Variants in JAKMIP1 observed in about 807,000 individuals in gnomAD.
The protein encoded by JAKMIP1 is janus kinase and microtubule-interacting protein 1.
A neutral mutation model predicts 113.0 loss-of-function variants in JAKMIP1; 33 were observed. The observed-to-expected ratio is 0.29, with a 90% CI of 0.22 to 0.39. The LOEUF (loss-of-function observed/expected upper bound fraction) is 0.39. JAKMIP1 is among the 10% of genes least tolerant of loss of function. The pLI is 1.00. For missense variants in JAKMIP1, 813 were observed against 1,080.5 expected (o/e 0.75, Z 3.47); for synonymous variants, 480 against 459.9 (o/e 1.04, Z -0.56).
rs1370206114 is a variant in JAKMIP1 at position 6,092,596 on chromosome 4, G to A, written c.625-6967C>T. Among the ~76,000 whole-genome samples the A allele has an allele frequency of 3.3e-5, 5 of 152,314 alleles. No homozygotes were observed. The East Asian group carries it at 5.8e-4, about 18-fold the overall frequency. ...GAATATAAGCAAAATACCCTTCGTC[G>A]TTATTCTGTCACTGAAGCTCTCAGT... On this transcript the variant is annotated intron_variant, in intron 3 of 20. Transcript: ENST00000409021.
chr4:6,063,223 C>T (rs1312071699), intron 9 of JAKMIP1, among the ~76,000 whole-genome samples: 2 of 152,102 alleles, frequency 1.3e-5, no homozygotes, highest in Admixed American at 6.5e-5. Context: ...GTGTGGAAAA[C>T]GACACAGCAT....
At chr4:6,063,557 T>C (rs1578130106) in intron 9 of JAKMIP1, among the ~76,000 whole-genome samples, 1 of 152,004 alleles carries the variant, frequency 6.6e-6, no homozygotes, top group African/African-American at 2.4e-5. Context: ...GGGAGGATGG[T>C]GTGTCTCTCC....
rs565077941 is a variant in JAKMIP1 at position 6,026,671 on chromosome 4, G to A, written c.2446-393C>T. 4.6e-5 allele frequency among the ~76,000 whole-genome samples: 7 copies of A among 151,914 alleles called. No individual in the cohort carries two copies. In the South Asian group the frequency reaches 1.3e-3, roughly 27 times the overall value. On this transcript the variant is annotated intron_variant, in intron 20 of 20. Transcript: ENST00000409021. ...CAGCGGCTCCCACCAAGAGACGGGG[G>A]CGTGATGTGTGCACCGAAGATCAGG...
chr4:6,081,013 A>ACACACACACACACACACC lies in JAKMIP1; in HGVS notation c.1101+595_1101+596insGGTGTGTGTGTGTGTGTG, dbSNP rs1454749071. ...CACACACACACACACACACACACACACCTGCATCTGCTACAGTGCAGACAG... is the reference window on the plus strand; with the variant it reads ...CACACACACACACACACACACACACACACACACACACACACACCCCTGCATCTGCTACAGTGCAGACAG... On this transcript the variant is annotated intron_variant, in intron 6 of 20. Transcript: ENST00000409021. This position sits in a 1 kb window ranked among gnomAD's most constrained non-coding sequence, Gnocchi z 4.6. Among the ~76,000 whole-genome samples the ACACACACACACACACACC allele has an allele frequency of 2.6e-5, 4 of 151,270 alleles. No homozygotes were observed. The highest frequency in any genetic ancestry group is 9.7e-5 in the African/African-American group (4 of 41,240).
intron 20 of JAKMIP1, 120 bp from the exon 21 acceptor site, chr4:6,026,398 T>C (rs1288958518): frequency 1.4e-5 from 9 of 639,128 alleles, no homozygotes; most frequent in Non-Finnish European, 2.5e-5. Context: ...CACTGAGTTG[T>C]TGGGTTCGGA....
In JAKMIP1 at chr4:6,086,117, C is replaced by T. The variant is rs552433622; in HGVS notation, c.625-488G>A. Among the ~76,000 whole-genome samples, 2 of 152,224 alleles carry T rather than the reference C, an allele frequency of 1.3e-5. No individual in the cohort carries two copies. Among genetic ancestry groups the T allele is most frequent in the East Asian group, 1.9e-4 (1 of 5,162 alleles). On this transcript the variant is annotated intron_variant, in intron 3 of 20. Coordinates refer to ENST00000409021, the MANE Select transcript of JAKMIP1 (RefSeq NM_001099433.2). This position sits in a 1 kb window ranked among gnomAD's most constrained non-coding sequence, Gnocchi z 4.1. ...GTGCTCTCCTGGCCACCGAACCCAC[C>T]GGACAACGTTGTCCTCCCGCCCTGA...
rs369003000 is a variant in JAKMIP1, at chr4:6,151,427, G to A, written c.-147-38430C>T. Among the ~76,000 whole-genome samples, 4 of 152,048 alleles carry A rather than the reference G, an allele frequency of 2.6e-5. No homozygotes were observed. In the East Asian group the frequency reaches 5.8e-4, roughly 22 times the overall value. ...GCCTCCAAATCCCCAAATGCTCAGC[G>A]CCCTCTCTGAGGTGCCTCCATGCCT... On this transcript the variant is annotated intron_variant, in intron 1 of 20. Coordinates refer to ENST00000409021, the MANE Select transcript of JAKMIP1 (RefSeq NM_001099433.2).
At chr4:6,054,291 A>G (rs1199361519) in intron 12 of JAKMIP1, 143 bp from the exon 13 acceptor site, 2 of 755,590 alleles carry the variant, frequency 2.6e-6, no homozygotes, top group Middle Eastern at 2.7e-4. Flanking sequence ...GTTTGCAGCA[A>G]GCAAACGAAT....
chr4:6,030,405 A>G (rs1712465603), intron 19 of JAKMIP1, among the ~76,000 whole-genome samples: 1 of 152,088 alleles, frequency 6.6e-6, no homozygotes, highest in Non-Finnish European at 1.5e-5. Context: ...GAAACCCCTC[A>G]GTCCTGGGCA....
chr4:6,109,124 C>CTTTTTT lies in JAKMIP1; in HGVS notation c.130-3163_130-3158dup, dbSNP rs71173408. On this transcript the variant is annotated intron_variant, in intron 2 of 20. Coordinates refer to ENST00000409021, the MANE Select transcript of JAKMIP1 (RefSeq NM_001099433.2). ...AATATACAAGATGTGCCTGGGGCAC[C>CTTTTTT]TTTTTTTTTTTTTTTTTTTTTTTTT... Among the ~76,000 whole-genome samples, 134 of 96,886 alleles carry CTTTTTT rather than the reference C, an allele frequency of 1.4e-3. 3 individuals are homozygous for CTTTTTT. Among genetic ancestry groups the CTTTTTT allele is most frequent in the African/African-American group, 5.1e-3 (125 of 24,656 alleles). The allele number at this position is 96,886 out of a possible 152,430, so 63.6% of individuals were successfully genotyped here.
chr4:6,126,683 A>G (rs764415038), intron 1 of JAKMIP1, among the ~76,000 whole-genome samples: 4 of 145,742 alleles, frequency 2.7e-5, no homozygotes, highest in Non-Finnish European at 6.1e-5. Flanking sequence ...ACACACCCAT[A>G]CATACACCAC....
chr4:6,040,842 G>A lies in JAKMIP1; in HGVS notation c.2098-126C>T. ...GGGCACTCAGATGAGAAGGGACTTG[G>A]TGGTCTTCCCCGTTTGCCCCCACAT... On this transcript the variant is annotated intron_variant, in intron 17 of 20. Coordinates refer to ENST00000409021, the MANE Select transcript of JAKMIP1 (RefSeq NM_001099433.2). This position sits in a 1 kb window ranked among gnomAD's most constrained non-coding sequence, Gnocchi z 5.8. 1.4e-6 allele frequency: 1 copy of A among 732,262 alleles called. No individual in the cohort carries two copies. Among genetic ancestry groups the A allele is most frequent in the South Asian group, 1.6e-5 (1 of 64,510 alleles). The allele number at this position is 732,262 out of a possible 1,614,324, so 45.4% of individuals were successfully genotyped here. A position where few individuals can be genotyped will look rare whatever the true frequency, so the allele number is the denominator to read the frequency against.
At chr4:6,105,367 T>C in intron 3 of JAKMIP1, 106 bp downstream of exon 3, 1 of 1,231,046 alleles carries the variant, frequency 8.1e-7, no homozygotes, top group Non-Finnish European at 1.1e-6. Flanking sequence ...CCCAGTGCTT[T>C]GAACAATGCC....
chr4:6,190,238 T>C (rs1247238358), intron 1 of JAKMIP1, among the ~76,000 whole-genome samples: 1 of 152,100 alleles, frequency 6.6e-6, no homozygotes, highest in Non-Finnish European at 1.5e-5. Context: ...ATTTACAACA[T>C]GACGTTACAG....
rs1726918615 is a variant in JAKMIP1 at position 6,188,847 on chromosome 4, G to C, written c.-148+11406C>G. Among the ~76,000 whole-genome samples the C allele has an allele frequency of 6.6e-6, 1 of 152,172 alleles. No homozygotes were observed. The highest frequency in any genetic ancestry group is 1.5e-5 in the Non-Finnish European group (1 of 68,038). On this transcript the variant is annotated intron_variant, in intron 1 of 20. Coordinates refer to ENST00000409021, the MANE Select transcript of JAKMIP1 (RefSeq NM_001099433.2). The surrounding 1 kb of genome is among the most constrained non-coding windows in gnomAD (Gnocchi z 5.8). ...TGGGTGCCTATGGTACTTCCTGGGA[G>C]AGATAGATCATGTCAGGAAAGCACC...
At chr4:6,109,279 C>T (rs887024248) in intron 2 of JAKMIP1, among the ~76,000 whole-genome samples, 1 of 151,834 alleles carries the variant, frequency 6.6e-6, no homozygotes, top group South Asian at 2.1e-4. Flanking sequence ...ACTACAGGCA[C>T]CCGCCACTGC....
chr4:6,126,044 A>ATG (rs1280695122), intron 1 of JAKMIP1, among the ~76,000 whole-genome samples: 4 of 145,322 alleles, frequency 2.8e-5, no homozygotes, highest in Middle Eastern at 3.8e-3. Context: ...AAACACACAC[A>ATG]CACAAACACG....
At position 6,103,307 on chromosome 4, in the gene JAKMIP1, T is replaced by C. The variant is rs150470019; in HGVS notation, c.624+2166A>G. Among the ~76,000 whole-genome samples, 54 of 152,374 alleles carry C rather than the reference T, an allele frequency of 3.5e-4. No individual in the cohort carries two copies. In the East Asian group the frequency reaches 0.01, roughly 29 times the overall value. ...TTTATCATATTATTATGTTGAATTA[T>C]ATTCAGTGATTTTAGAATATGAAGC... On this transcript the variant is annotated intron_variant, in intron 3 of 20. Coordinates refer to ENST00000409021, the MANE Select transcript of JAKMIP1 (RefSeq NM_001099433.2).
At position 6,062,297 on chromosome 4, in the gene JAKMIP1, G is replaced by C; in HGVS notation, c.1560+15C>G. ...TTCGGCCCCTCCCTCGAGCCCTGAG[G>C]CTGGCTGCACTCACCCGGGCCTCCC... On this transcript the variant is annotated intron_variant, in intron 10 of 20. Transcript: ENST00000409021. 1 of 1,611,614 alleles carries C rather than the reference G, an allele frequency of 6.2e-7. No individual in the cohort carries two copies. The highest frequency in any genetic ancestry group is 8.5e-7 in the Non-Finnish European group (1 of 1,179,766).
Sources: gnomAD v4.1 joint callset for allele counts (sites outside exome capture counted in the v4.1 genomes callset) on GRCh38, gnomAD v4.1.1 for gene constraint, Gnocchi (gnomAD v3.1) non-coding constraint, MANE v1.5 for transcripts, NCBI Gene and HGNC (gene_info 2026-07-23, HGNC 2026-07-21) for gene names.